Variants in CTIF observed in about 807,000 individuals in gnomAD.
The protein encoded by CTIF is CBP80/20-dependent translation initiation factor.
In CTIF, 21 loss-of-function variants were observed where a neutral mutation model predicts 66.0. The ratio of observed to expected loss-of-function variants is 0.32; its 90% CI spans 0.23 to 0.46. The LOEUF (loss-of-function observed/expected upper bound fraction) is 0.46. Ranked by LOEUF, CTIF falls within the 20% of genes least tolerant of loss-of-function variation. CTIF has a pLI of 1.00. For synonymous variants in CTIF, 345 were observed against 326.4 expected, an observed-to-expected ratio of 1.06 and a Z score of -0.62; for missense variants, 739 against 812.7, an observed-to-expected ratio of 0.91 and a Z score of 1.10.
At chr18:48,553,687 G>A (rs1284617414) in intron 1 of CTIF, among the ~76,000 whole-genome samples, 2 of 146,780 alleles carry the variant, frequency 1.4e-5, no homozygotes, top group South Asian at 2.1e-4. Context: ...GACAAGTCTC[G>A]CTCTGCCGCC....
At chr18:48,733,026 G>A (rs1359583027) in intron 7 of CTIF, among the ~76,000 whole-genome samples, 1 of 152,218 alleles carries the variant, frequency 6.6e-6, no homozygotes, top group Non-Finnish European at 1.5e-5. Context: ...AGGAGGAGGA[G>A]GAGCGTTATT....
intron 10 of CTIF, among the ~76,000 whole-genome samples, chr18:48,852,233 T>TAAAAAAAA (rs10591389): frequency 0.059 from 3,890 of 66,490 alleles, 338 homozygotes; most frequent in Non-Finnish European, 0.088. Flanking sequence ...GACCCTGTCT[T>TAAAAAAAA]AAAAAAAAAA....
rs1568277927 is a variant in CTIF at position 48,861,213 on chromosome 18, C to G, written c.*1654C>G. ...TGCAGCTGCAACCTGCCCTCTGGTC[C>G]CAGGTGTGGAGCCTTTGCCTGTCTC... is the stretch of plus-strand genomic sequence containing the variant. On this transcript the variant is annotated 3_prime_UTR_variant, in exon 12 of 12. Coordinates refer to ENST00000256413, the MANE Select transcript of CTIF (RefSeq NM_014772.3). The G allele has an allele frequency of 2.0e-5, 3 of 152,338 alleles. No homozygotes were observed. Among genetic ancestry groups the G allele is most frequent in the African/African-American group, 4.8e-5 (2 of 41,432 alleles). The allele number at this position is 152,338 out of a possible 1,614,324, so 9.4% of individuals were successfully genotyped here. A position where few individuals can be genotyped will look rare whatever the true frequency, so the allele number is the denominator to read the frequency against.
At chr18:48,686,516 C>T (rs1386459441) in intron 6 of CTIF, among the ~76,000 whole-genome samples, 3 of 149,426 alleles carry the variant, frequency 2.0e-5, no homozygotes, top group South Asian at 2.1e-4. Context: ...TAGGTGTGCT[C>T]ATTGCTGCTC....
chr18:48,766,813 C>T (rs1304915446), intron 9 of CTIF, among the ~76,000 whole-genome samples: 1 of 83,050 alleles, frequency 1.2e-5, no homozygotes, highest in Non-Finnish European at 2.9e-5. Flanking sequence ...CTTCCACTCC[C>T]CCAGCCTCAG....
intron 1 of CTIF, among the ~76,000 whole-genome samples, chr18:48,603,243 T>C (rs557261493): frequency 6.8e-4 from 99 of 145,266 alleles, no homozygotes; most frequent in African/African-American, 2.4e-3. Context: ...GATTGATGGA[T>C]GGATGAATGG....
In CTIF at chr18:48,672,446, A is replaced by G. The variant is rs1295577455; in HGVS notation, c.507+1702A>G. On this transcript the variant is annotated intron_variant, in intron 6 of 11. Coordinates refer to ENST00000256413, the MANE Select transcript of CTIF (RefSeq NM_014772.3). ...AGAGGGGCAGGCATAGTGACCACCA[A>G]AAACATCCTCCTACTTCCAGATTCA... Among the ~76,000 whole-genome samples, 5 of 152,158 alleles carry G rather than the reference A, an allele frequency of 3.3e-5. 1 individual carries two copies. The South Asian group carries it at 1.0e-3, about 32-fold the overall frequency.
intron 1 of CTIF, among the ~76,000 whole-genome samples, chr18:48,576,591 T>C (rs143213689): frequency 6.6e-6 from 1 of 152,336 alleles, no homozygotes; most frequent in East Asian, 1.9e-4. Context: ...AGGTTCTTTT[T>C]CCAGATTCGC....
intron 1 of CTIF, among the ~76,000 whole-genome samples, chr18:48,583,471 A>G (rs1481136322): frequency 2.6e-5 from 4 of 152,164 alleles, no homozygotes; most frequent in Non-Finnish European, 5.9e-5. Flanking sequence ...TGGTGGGGAA[A>G]GGAGTCGGAC....
At chr18:48,680,148 C>G (rs1033119032) in intron 6 of CTIF, among the ~76,000 whole-genome samples, 1 of 152,232 alleles carries the variant, frequency 6.6e-6, no homozygotes, top group African/African-American at 2.4e-5. Context: ...CCCAGGATCT[C>G]CCTCCAGGCA....
chr18:48,721,825 A>G (rs1244732263), intron 7 of CTIF, among the ~76,000 whole-genome samples: 1 of 151,810 alleles, frequency 6.6e-6, no homozygotes, highest in African/African-American at 2.4e-5. Context: ...TGGAATCTGG[A>G]TTTTCATACT....
At chr18:48,583,499 G>T (rs1209934731) in intron 1 of CTIF, among the ~76,000 whole-genome samples, 2 of 152,116 alleles carry the variant, frequency 1.3e-5, no homozygotes, top group African/African-American at 2.4e-5. Flanking sequence ...AGAGGGCGCC[G>T]ATCTCGGTTT....
At chr18:48,780,614 C>T (rs1315453571) in intron 9 of CTIF, among the ~76,000 whole-genome samples, 2 of 152,166 alleles carry the variant, frequency 1.3e-5, no homozygotes, top group South Asian at 4.1e-4. Context: ...ACACTGGGTT[C>T]TCTGCCTGAT....
intron 5 of CTIF, 136 bp downstream of exon 5, chr18:48,664,687 C>G: frequency 2.9e-6 from 2 of 692,220 alleles, no homozygotes; most frequent in East Asian, 5.6e-5. Flanking sequence ...CTTATGCGTC[C>G]CAGAGCTGCA....
chr18:48,726,482 A>G (rs1300785534), intron 7 of CTIF, among the ~76,000 whole-genome samples: 1 of 152,186 alleles, frequency 6.6e-6, no homozygotes. Context: ...ATCTGAAGGC[A>G]TGACTGGGGC....
At chr18:48,772,841 G>A (rs2145978738) in intron 9 of CTIF, among the ~76,000 whole-genome samples, 1 of 152,294 alleles carries the variant, frequency 6.6e-6, no homozygotes, top group East Asian at 1.9e-4. Context: ...ATTCTTTGGG[G>A]TATATACCTA....
intron 10 of CTIF, among the ~76,000 whole-genome samples, chr18:48,839,377 A>G (rs1028428444): frequency 1.3e-5 from 2 of 152,110 alleles, no homozygotes; most frequent in Admixed American, 6.5e-5. Flanking sequence ...AGGTGAGAAC[A>G]GTTCTTCCCG....
chr18:48,862,431 C>T lies in CTIF; in HGVS notation c.*2872C>T, dbSNP rs986688122. The T allele has an allele frequency of 6.6e-6, 1 of 152,670 alleles. No homozygotes were observed. Among genetic ancestry groups the T allele is most frequent in the Non-Finnish European group, 1.5e-5 (1 of 68,072 alleles). The allele number at this position is 152,670 out of a possible 1,614,324, so 9.5% of individuals were successfully genotyped here. A position where few individuals can be genotyped will look rare whatever the true frequency, so the allele number is the denominator to read the frequency against. On this transcript the variant is annotated 3_prime_UTR_variant, in exon 12 of 12. Coordinates refer to ENST00000256413, the MANE Select transcript of CTIF (RefSeq NM_014772.3). ...GGCCTGCTTGCCACAGCCCTGCTCC[C>T]CAAGGCCTGGTGGCTTTGCCGAAGC...
At chr18:48,608,066 G>A (rs1482839862) in intron 1 of CTIF, among the ~76,000 whole-genome samples, 1 of 152,120 alleles carries the variant, frequency 6.6e-6, no homozygotes, top group East Asian at 1.9e-4. Context: ...TCTTTCGCAG[G>A]GGACTTTCGA....
Sources: gnomAD v4.1 joint callset for allele counts (sites outside exome capture counted in the v4.1 genomes callset) on GRCh38, gnomAD v4.1.1 for gene constraint, MANE v1.5 for transcripts, NCBI Gene and HGNC (gene_info 2026-07-23, HGNC 2026-07-21) for gene names.